The following LRRK1 variants were observed in gnomAD, a reference collection of about 807,000 sequenced individuals.
The protein encoded by LRRK1 is leucine rich repeat kinase 1.
In LRRK1, 113 loss-of-function variants were observed where a neutral mutation model predicts 209.1. The ratio of observed to expected loss-of-function variants is 0.54; its 90% confidence interval spans 0.46 to 0.63. The LOEUF (loss-of-function observed/expected upper bound fraction) is 0.63. Ranked by LOEUF, LRRK1 falls within the 30% of genes least tolerant of loss-of-function variation. The probability of loss-of-function intolerance (pLI) is 0.00; values close to 1 mark genes in which losing one functional copy is unlikely to be tolerated. For missense variants in LRRK1, 2,284 were observed against 2,632.2 expected, an observed-to-expected ratio of 0.87 and a Z score of 2.89; for synonymous variants, 1,144 against 1,099.7, an observed-to-expected ratio of 1.04 and a Z score of -0.80.
At chr15:100,995,574 C>G (rs2032367199) in intron 6 of LRRK1, among the ~76,000 whole-genome samples, 1 of 152,188 alleles carries the variant, frequency 6.6e-6, no homozygotes, top group Non-Finnish European at 1.5e-5. Context: ...AATGAGACGG[C>G]CCGCGTTCGT....
intron 12 of LRRK1, among the ~76,000 whole-genome samples, chr15:101,019,671 T>G (rs1056341270): frequency 6.6e-6 from 1 of 152,204 alleles, no homozygotes; most frequent in Non-Finnish European, 1.5e-5. Flanking sequence ...CGAGCCTGGT[T>G]TCAGCCCAAC....
chr15:101,021,254 A>C, intron 13 of LRRK1, 72 bp downstream of exon 13: 2 of 1,518,502 alleles, frequency 1.3e-6, no homozygotes. Flanking sequence ...CCCTAAACCA[A>C]CTGGGACACA....
chr15:101,002,616 G>C (rs141475933), intron 6 of LRRK1, among the ~76,000 whole-genome samples: 1 of 152,240 alleles, frequency 6.6e-6, no homozygotes, highest in Non-Finnish European at 1.5e-5. Context: ...TTGCTCTCTC[G>C]GAATCTTGTT....
intron 2 of LRRK1, among the ~76,000 whole-genome samples, chr15:100,950,913 C>A (rs544018917): frequency 6.6e-6 from 1 of 152,172 alleles, no homozygotes; most frequent in African/African-American, 2.4e-5. Context: ...ACCATCCTGG[C>A]TAACACGGTG....
At position 101,048,493 on chromosome 15, in the gene LRRK1, G is replaced by A; in HGVS notation, c.3136-1G>A. 3 of 1,602,282 alleles carry A rather than the reference G, an allele frequency of 1.9e-6. No individual in the cohort carries two copies. Among genetic ancestry groups the A allele is most frequent in the Non-Finnish European group, 2.6e-6 (3 of 1,176,324 alleles). ...AGCAGGGTCTTTTCTCTGTCTTTCA[G>A]CTTTTTGAAAACAAGAAGAATACTA... On this transcript the variant is annotated splice_acceptor_variant, in intron 21 of 33. Coordinates refer to ENST00000388948, the MANE Select transcript of LRRK1 (RefSeq NM_024652.6). LOFTEE classifies it high-confidence loss of function.
chr15:101,058,617 C>CTG (rs1555479975), intron 29 of LRRK1, among the ~76,000 whole-genome samples: 3 of 75,366 alleles, frequency 4.0e-5, no homozygotes, highest in Non-Finnish European at 6.6e-5. Context: ...GAAGGGGCAA[C>CTG]GGGGGGGGGC....
chr15:100,987,904 C>T (rs968315875), intron 4 of LRRK1, among the ~76,000 whole-genome samples: 1 of 152,202 alleles, frequency 6.6e-6, no homozygotes, highest in Non-Finnish European at 1.5e-5. Context: ...GAAAATACCA[C>T]AATGCTGGGG....
chr15:100,956,449 T>TTTTC (rs2042759747), intron 2 of LRRK1, among the ~76,000 whole-genome samples: 1 of 54,564 alleles, frequency 1.8e-5, no homozygotes, highest in African/African-American at 8.0e-5. Flanking sequence ...CTTTCCTTTT[T>TTTTC]TTTTTCTTTT....
At chr15:100,937,546 T>C (rs962036461) in intron 2 of LRRK1, among the ~76,000 whole-genome samples, 2 of 151,800 alleles carry the variant, frequency 1.3e-5, no homozygotes, top group Admixed American at 1.3e-4. Context: ...TTTTATTTAT[T>C]TATTTTGAGG....
At chr15:101,008,519 G>T (rs923041576) in intron 6 of LRRK1, among the ~76,000 whole-genome samples, 3 of 152,216 alleles carry the variant, frequency 2.0e-5, no homozygotes, top group African/African-American at 4.8e-5. Context: ...ATCCCGCCGC[G>T]CTCTTCCCTG....
intron 6 of LRRK1, among the ~76,000 whole-genome samples, chr15:101,006,860 T>C (rs900928518): frequency 3.3e-5 from 5 of 152,132 alleles, no homozygotes; most frequent in African/African-American, 1.2e-4. Flanking sequence ...ATTTAAAAAA[T>C]TTTTCAAAAT....
intron 2 of LRRK1, among the ~76,000 whole-genome samples, chr15:100,937,953 C>T (rs552441328): frequency 3.0e-4 from 45 of 152,158 alleles, no homozygotes; most frequent in African/African-American, 9.9e-4. Context: ...TGGGCTTTAG[C>T]GATCCTCCTA....
At position 101,010,807 on chromosome 15, in the gene LRRK1, G is replaced by A. The variant is rs376711227; in HGVS notation, c.1251G>A (p.Lys417=). Residue 417 remains lysine, a synonymous_variant, in exon 9 of 34, where the codon AAG becomes AAA. Coordinates refer to ENST00000388948, the MANE Select transcript of LRRK1 (RefSeq NM_024652.6). ...NSLNVSRNNL[K]VFPDPWACPL... is the part of the protein sequence containing the mutation. ...TGAATGTCTCCAGAAACAACCTGAA[G>A]GTGTTTCCAGATCCCTGGGCCTGCC... 1.5e-5 allele frequency: 24 copies of A among 1,613,660 alleles called. No homozygotes were observed. The highest frequency in any genetic ancestry group is 5.5e-5 in the South Asian group (5 of 91,002).
rs1469681990 is a variant in LRRK1, at chr15:101,077,344, T to C, written c.*8496T>C. 1.3e-5 allele frequency: 2 copies of C among 152,258 alleles called. No homozygotes were observed. Among genetic ancestry groups the C allele is most frequent in the African/African-American group, 4.8e-5 (2 of 41,470 alleles). 9.4% of individuals were successfully genotyped at this position (152,258 alleles called of 1,614,324 possible). A position where few individuals can be genotyped will look rare whatever the true frequency, so the allele number is the denominator to read the frequency against. On this transcript the variant is annotated 3_prime_UTR_variant, in exon 34 of 34. Coordinates refer to ENST00000388948, the MANE Select transcript of LRRK1 (RefSeq NM_024652.6). ...TCAACTACTCATACGTGCCCTGCTC[T>C]TGTTTACACTGCCAGTTTACACTGT...
intron 2 of LRRK1, among the ~76,000 whole-genome samples, chr15:100,970,925 A>G (rs1471881283): frequency 6.6e-6 from 1 of 152,240 alleles, no homozygotes; most frequent in African/African-American, 2.4e-5. Context: ...CTAAGAATGT[A>G]ATTTTATACT....
intron 2 of LRRK1, among the ~76,000 whole-genome samples, chr15:100,938,873 C>G (rs1028449454): frequency 7.2e-5 from 11 of 152,018 alleles, no homozygotes; most frequent in Non-Finnish European, 1.2e-4. Flanking sequence ...GGGTGGATCA[C>G]CTGAGGTCAG....
intron 20 of LRRK1, among the ~76,000 whole-genome samples, chr15:101,039,774 T>C (rs765216413): frequency 1.5e-4 from 23 of 152,234 alleles, no homozygotes; most frequent in Non-Finnish European, 3.1e-4. Context: ...CCCAGTTTGC[T>C]AAAAGCTTTT....
chr15:101,065,814 G>T lies in LRRK1; in HGVS notation c.5377G>T (p.Asp1793Tyr), dbSNP rs1270951065. 4.3e-6 allele frequency: 7 copies of T among 1,613,966 alleles called. No individual in the cohort carries two copies. The highest frequency in any genetic ancestry group is 5.9e-6 in the Non-Finnish European group (7 of 1,180,024). The stretch of plus-strand genomic sequence containing the variant: ...GGACATGTTTCCCGTGCGGCCCTTG[G>T]ACACGGAACCCCCGGCAGCCAGCCA... Reference protein sequence around the residue: ...LRDMFPVRPLDTEPPAASHTA... With the variant: ...LRDMFPVRPLYTEPPAASHTA... The change falls in exon 32 of 34, where the codon GAC becomes TAC. Residue 1793 changes from aspartate to tyrosine, a missense_variant. Transcript: ENST00000388948.
chr15:100,991,451 A>G (rs749369726), intron 6 of LRRK1, among the ~76,000 whole-genome samples: 4 of 151,848 alleles, frequency 2.6e-5, no homozygotes, highest in Admixed American at 6.6e-5. Context: ...TGACTTTTAT[A>G]TTGTTTTTGC....
Sources: gnomAD v4.1 joint callset for allele counts (sites outside exome capture counted in the v4.1 genomes callset) on GRCh38, gnomAD v4.1.1 for gene constraint, MANE v1.5 for transcripts, NCBI Gene and HGNC (gene_info 2026-07-23, HGNC 2026-07-21) for gene names.